The following MAP2 variants were observed in gnomAD, a reference collection of about 807,000 sequenced individuals.
MAP2 encodes microtubule associated protein 2.
Under a neutral mutation model 137.6 loss-of-function variants are expected in MAP2, and 14 were observed. The observed-to-expected ratio is 0.10, with a 90% CI of 0.07 to 0.16. The LOEUF (loss-of-function observed/expected upper bound fraction) is 0.16, where lower values mean the gene tolerates loss of function less well. Ranked by LOEUF, MAP2 falls within the 10% of genes least tolerant of loss-of-function variation. The pLI is 1.00. For synonymous variants in MAP2, 786 were observed against 782.3 expected (o/e 1.00, Z -0.08); for missense variants, 2,088 against 2,191.5 (o/e 0.95, Z 0.94).
At chr2:209,448,772 C>A (rs1699676380) in intron 1 of MAP2, among the ~76,000 whole-genome samples, 1 of 152,112 alleles carries the variant, frequency 6.6e-6, no homozygotes, top group African/African-American at 2.4e-5. Context: ...GGGTTTCAGG[C>A]CCATCAGATC....
At chr2:209,520,535 AG>A (rs1351815499) in intron 2 of MAP2, among the ~76,000 whole-genome samples, 4 of 152,036 alleles carry the variant, frequency 2.6e-5, no homozygotes, top group Admixed American at 6.6e-5. Flanking sequence ...GAATGTCACA[AG>A]GGCTTAATCT....
intron 6 of MAP2, 45 bp downstream of exon 6, chr2:209,678,730 C>A (rs774863682): frequency 5.2e-6 from 6 of 1,144,216 alleles, no homozygotes; most frequent in Non-Finnish European, 7.6e-6. Context: ...CTGTTGCACC[C>A]TGATCACAGG....
In MAP2 at chr2:209,623,233, A is replaced by G. The variant is rs538144387; in HGVS notation, c.-106-1820A>G. Among the ~76,000 whole-genome samples the G allele has an allele frequency of 2.0e-5, 3 of 152,336 alleles. No individual in the cohort carries two copies. The East Asian group carries it at 5.8e-4, about 29-fold the overall frequency. ...CATTATGGCATGAAAGCAGCCATAT[A>G]CAACGTGGAAGTGCGTGGGAGTGGC... On this transcript the variant is annotated intron_variant, in intron 3 of 15. Coordinates refer to ENST00000682079, the MANE Select transcript of MAP2 (RefSeq NM_001375505.1).
In MAP2 at chr2:209,694,716, C is replaced by G. The variant is rs1336937870; in HGVS notation, c.2546C>G (p.Pro849Arg). ...GAGGATAGTCGTACTGGCTTGCCCC[C>G]GGTAACTGATGAAAACCATGTCATT... ...VVEDSRTGLP[P>R]VTDENHVIVK... is the part of the protein sequence containing the mutation. Residue 849 changes from proline to arginine, a missense_variant, in exon 8 of 16, where the codon CCG (proline) becomes CGG (arginine). This residue lies in a region of MAP2 where 500 missense variants were observed against 482.9 expected (regional missense o/e 1.04). Transcript: ENST00000682079. The G allele has an allele frequency of 1.9e-6, 3 of 1,614,050 alleles. No homozygotes were observed. Among genetic ancestry groups the G allele is most frequent in the African/African-American group, 1.3e-5 (1 of 75,024 alleles).
At chr2:209,710,838 A>G (rs1033436898) in intron 13 of MAP2, 2 of 153,420 alleles carry the variant, frequency 1.3e-5, no homozygotes, top group Non-Finnish European at 2.9e-5. Flanking sequence ...ACTTCTATTC[A>G]AGATTAATTG....
chr2:209,505,450 T>A (rs565653102), intron 1 of MAP2, among the ~76,000 whole-genome samples: 142 of 152,296 alleles, frequency 9.3e-4, no homozygotes, highest in Non-Finnish European at 9.6e-4. Flanking sequence ...TTTCCTTTAA[T>A]TTTTTTATGG....
chr2:209,533,482 A>G (rs1405345858), intron 2 of MAP2, among the ~76,000 whole-genome samples: 2 of 152,228 alleles, frequency 1.3e-5, no homozygotes, highest in Admixed American at 6.5e-5. Flanking sequence ...TTTTCAGTAC[A>G]AACATTTTAG....
chr2:209,728,329 CA>C (rs1202028074), intron 14 of MAP2, among the ~76,000 whole-genome samples: 3 of 152,046 alleles, frequency 2.0e-5, no homozygotes, highest in African/African-American at 7.2e-5. Flanking sequence ...TGAATCATTG[CA>C]AATCATGTTC....
chr2:209,464,053 T>C (rs1332696254), intron 1 of MAP2, among the ~76,000 whole-genome samples: 1 of 152,162 alleles, frequency 6.6e-6, no homozygotes, highest in Non-Finnish European at 1.5e-5. Flanking sequence ...GACTAATGGA[T>C]GACTGGGGAA....
chr2:209,436,029 T>TACAGTATATATTATATATA (rs1553537341), intron 1 of MAP2, among the ~76,000 whole-genome samples: 728 of 141,336 alleles, frequency 5.2e-3, no homozygotes, highest in East Asian at 0.012. Flanking sequence ...ATATAAAATA[T>TACAGTATATATTATATATA]ATATATATGT....
intron 2 of MAP2, among the ~76,000 whole-genome samples, chr2:209,578,226 T>A (rs561455156): frequency 6.6e-6 from 1 of 152,264 alleles, no homozygotes; most frequent in East Asian, 1.9e-4. Context: ...AGTGGTTCCA[T>A]GAAGCCAGTA....
At chr2:209,442,620 C>T (rs983495064) in intron 1 of MAP2, among the ~76,000 whole-genome samples, 1 of 151,688 alleles carries the variant, frequency 6.6e-6, no homozygotes, top group African/African-American at 2.4e-5. Context: ...TATTTAACAA[C>T]CATTTGTATT....
chr2:209,663,103 T>C (rs951842821), intron 5 of MAP2, among the ~76,000 whole-genome samples: 2 of 152,166 alleles, frequency 1.3e-5, no homozygotes, highest in Admixed American at 1.3e-4. Context: ...TTAAGTAGAC[T>C]GGAGAGTACC....
intron 5 of MAP2, among the ~76,000 whole-genome samples, chr2:209,669,078 T>C (rs2153657883): frequency 6.6e-6 from 1 of 152,204 alleles, no homozygotes; most frequent in African/African-American, 2.4e-5. Context: ...AATACTTTTG[T>C]AGCTATAATG....
intron 2 of MAP2, among the ~76,000 whole-genome samples, chr2:209,565,901 C>T (rs921269161): frequency 2.0e-5 from 3 of 152,112 alleles, no homozygotes; most frequent in Non-Finnish European, 4.4e-5. Flanking sequence ...ATTTCTTGTC[C>T]GACTGCACAG....
At position 209,610,003 on chromosome 2, in the gene MAP2, C is replaced by T. The variant is rs531744581; in HGVS notation, c.-106-15050C>T. Among the ~76,000 whole-genome samples the T allele has an allele frequency of 5.9e-4, 90 of 152,204 alleles. 4 individuals are homozygous for T. In the South Asian group the frequency reaches 0.018, roughly 30 times the overall value. ...CAAAAATAATTATGGTTCATGTCCT[C>T]ATGAGGTTCACAGTTTAATTGGGAA... On this transcript the variant is annotated intron_variant, in intron 3 of 15. Coordinates refer to ENST00000682079, the MANE Select transcript of MAP2 (RefSeq NM_001375505.1).
At chr2:209,663,507 AT>A (rs1443556922) in intron 5 of MAP2, among the ~76,000 whole-genome samples, 1 of 152,198 alleles carries the variant, frequency 6.6e-6, no homozygotes, top group Non-Finnish European at 1.5e-5. Flanking sequence ...GGGAAAACAT[AT>A]GTCATAGGTT....
chr2:209,726,110 C>A (rs1010219697), intron 14 of MAP2, among the ~76,000 whole-genome samples: 4 of 152,046 alleles, frequency 2.6e-5, no homozygotes, highest in Non-Finnish European at 5.9e-5. Context: ...ATCATGTATT[C>A]ATATATAATA....
chr2:209,725,822 T>C, intron 14 of MAP2, 32 bp downstream of exon 14: 1 of 1,444,846 alleles, frequency 6.9e-7, no homozygotes, highest in Non-Finnish European at 9.4e-7. Flanking sequence ...GTTTGAGAAA[T>C]ATTTAACTGG....
Sources: allele counts gnomAD v4.1 joint callset (sites outside exome capture counted in the v4.1 genomes callset), GRCh38; gene constraint gnomAD v4.1.1; regional missense constraint gnomAD v4.1.1; transcripts MANE v1.5; gene names NCBI Gene and HGNC (gene_info 2026-07-23, HGNC 2026-07-21).